PTCHD4: variants seen among roughly 807,000 people sequenced by gnomAD.
The protein encoded by PTCHD4 is patched domain containing 4, also known as patched domain-containing protein 4.
PTCHD4 carries 33 observed loss-of-function variants against 58.1 expected under a neutral mutation model. The ratio of observed to expected loss-of-function variants is 0.57; its 90% CI spans 0.43 to 0.76. PTCHD4 has a LOEUF of 0.76. Among genes scored for constraint, PTCHD4 ranks in the 30% least tolerant of loss-of-function variants. PTCHD4 has a pLI of 0.00. For synonymous variants in PTCHD4, 478 were observed against 409.6 expected (o/e 1.17, Z -2.02); for missense variants, 1,058 against 1,027.1 (o/e 1.03, Z -0.41).
intron 4 of PTCHD4, among the ~76,000 whole-genome samples, chr6:47,925,866 C>A (rs1306367943): frequency 6.6e-6 from 1 of 152,182 alleles, no homozygotes; most frequent in Non-Finnish European, 1.5e-5. Flanking sequence ...CATCATTCTT[C>A]AACTGAGTAC....
intron 3 of PTCHD4, among the ~76,000 whole-genome samples, chr6:48,030,137 GA>G (rs957676393): frequency 1.3e-4 from 20 of 151,440 alleles, no homozygotes; most frequent in African/African-American, 4.8e-4. Context: ...AAATAAATAA[GA>G]AAAAAAGGTC....
chr6:48,040,082 C>T (rs1763790348), intron 3 of PTCHD4, among the ~76,000 whole-genome samples: 1 of 151,970 alleles, frequency 6.6e-6, no homozygotes, highest in Non-Finnish European at 1.5e-5. Context: ...GAATGGGCAA[C>T]CTTTAAGGTC....
intron 1 of PTCHD4, among the ~76,000 whole-genome samples, chr6:48,087,714 T>C (rs1023735994): frequency 1.3e-5 from 2 of 152,218 alleles, no homozygotes; most frequent in Non-Finnish European, 1.5e-5. Context: ...TGCATATTTA[T>C]TTTAAATAGG....
At chr6:47,972,187 A>T (rs888552036) in intron 4 of PTCHD4, among the ~76,000 whole-genome samples, 1 of 152,218 alleles carries the variant, frequency 6.6e-6, no homozygotes, top group Non-Finnish European at 1.5e-5. Context: ...CATTATAGAA[A>T]GTCAATAGAT....
intron 4 of PTCHD4, among the ~76,000 whole-genome samples, chr6:47,972,455 A>T (rs888478826): frequency 1.3e-5 from 2 of 152,116 alleles, no homozygotes; most frequent in African/African-American, 4.8e-5. Flanking sequence ...AAGGGAAACA[A>T]ATATTTTTTA....
At chr6:47,994,841 A>G (rs1336978123) in intron 4 of PTCHD4, among the ~76,000 whole-genome samples, 1 of 152,230 alleles carries the variant, frequency 6.6e-6, no homozygotes, top group Non-Finnish European at 1.5e-5. Context: ...GAGGGAATAC[A>G]GGAACACACT....
At chr6:47,884,834 G>A (rs1459846114) in intron 4 of PTCHD4, among the ~76,000 whole-genome samples, 1 of 152,210 alleles carries the variant, frequency 6.6e-6, no homozygotes, top group South Asian at 2.1e-4. Context: ...AGCTTCAAAA[G>A]GTTTAGGCAG....
rs750274974 is a variant in PTCHD4, at chr6:47,874,177, C to T, written c.*4126G>A. 7.9e-5 allele frequency among the ~76,000 whole-genome samples: 12 copies of T among 151,710 alleles called. No homozygotes were observed. The highest frequency in any genetic ancestry group is 1.2e-4 in the Non-Finnish European group (8 of 67,800). ...CCCTTTGCCTGGAAGCCAGATTTCA[C>T]TTCTGAGATTTTCCGAAGTCCATTC... On this transcript the variant is annotated 3_prime_UTR_variant, in exon 5 of 5. Coordinates refer to ENST00000339488, the MANE Select transcript of PTCHD4 (RefSeq NM_001384253.1).
At chr6:47,946,342 A>G (rs1282832408) in intron 4 of PTCHD4, among the ~76,000 whole-genome samples, 1 of 152,094 alleles carries the variant, frequency 6.6e-6, no homozygotes, top group Admixed American at 6.6e-5. Context: ...TATTTCTGCC[A>G]GTTTTGGCTT....
intron 4 of PTCHD4, among the ~76,000 whole-genome samples, chr6:47,936,019 G>A (rs1288010769): frequency 6.6e-5 from 10 of 152,174 alleles, no homozygotes; most frequent in Non-Finnish European, 1.2e-4. Context: ...ATTCAAAGTA[G>A]TTGAGTCTTA....
chr6:48,076,280 G>A lies in PTCHD4; in HGVS notation c.-969-6354C>T, dbSNP rs192743425. On this transcript the variant is annotated intron_variant, in intron 1 of 4. Transcript: ENST00000339488. The stretch of plus-strand genomic sequence containing the variant: ...TTTTGCTATTTCTACCACATCTGCT[G>A]TTGCTTTCTCCACTGAAGTCTTAAA... Among the ~76,000 whole-genome samples the A allele has an allele frequency of 3.9e-3, 595 of 152,296 alleles. 2 individuals are homozygous for A. The highest frequency in any genetic ancestry group is 5.8e-3 in the Non-Finnish European group (392 of 68,016).
chr6:47,910,565 A>C (rs1277307368), intron 4 of PTCHD4, among the ~76,000 whole-genome samples: 1 of 152,134 alleles, frequency 6.6e-6, no homozygotes, highest in East Asian at 1.9e-4. Flanking sequence ...TGTTAGAAAA[A>C]TACATTCTTT....
chr6:47,898,090 G>A (rs933126937), intron 4 of PTCHD4, among the ~76,000 whole-genome samples: 6 of 151,404 alleles, frequency 4.0e-5, no homozygotes, highest in African/African-American at 7.3e-5. Context: ...GACTACAGGC[G>A]TGTGCCACCA....
chr6:48,027,070 T>C (rs1763272962), intron 3 of PTCHD4, among the ~76,000 whole-genome samples: 1 of 152,128 alleles, frequency 6.6e-6, no homozygotes, highest in Admixed American at 6.6e-5. Flanking sequence ...AAGATTTTTG[T>C]TTACATCTGT....
chr6:47,923,353 T>C (rs1164071970), intron 4 of PTCHD4, among the ~76,000 whole-genome samples: 1 of 152,192 alleles, frequency 6.6e-6, no homozygotes, highest in Non-Finnish European at 1.5e-5. Context: ...GGAATTCTTA[T>C]AGTCTTACTA....
chr6:48,016,360 C>T (rs991813136), intron 3 of PTCHD4, among the ~76,000 whole-genome samples: 5 of 151,862 alleles, frequency 3.3e-5, no homozygotes, highest in East Asian at 1.9e-4. Flanking sequence ...TTTAAGCAAG[C>T]GAATGACATG....
intron 4 of PTCHD4, among the ~76,000 whole-genome samples, chr6:47,964,765 A>C (rs1251396885): frequency 2.6e-5 from 4 of 152,196 alleles, no homozygotes; most frequent in Non-Finnish European, 4.4e-5. Flanking sequence ...AAAGTTCCAC[A>C]TTCTGTTTAA....
chr6:48,028,526 A>G (rs896328532), intron 3 of PTCHD4, among the ~76,000 whole-genome samples: 8 of 151,994 alleles, frequency 5.3e-5, no homozygotes, highest in Non-Finnish European at 8.8e-5. Context: ...TTTAAAGACA[A>G]TATCAAAAGT....
intron 4 of PTCHD4, among the ~76,000 whole-genome samples, chr6:47,930,848 C>T (rs968473663): frequency 1.3e-5 from 2 of 152,136 alleles, no homozygotes; most frequent in African/African-American, 4.8e-5. Flanking sequence ...GGCTGGAGGG[C>T]AGTGGTGTGA....
Sources: allele counts gnomAD v4.1 joint callset (sites outside exome capture counted in the v4.1 genomes callset), GRCh38; gene constraint gnomAD v4.1.1; transcripts MANE v1.5; gene names NCBI Gene and HGNC (gene_info 2026-07-23, HGNC 2026-07-21).